FERMT2: variants seen among roughly 807,000 people sequenced by gnomAD.
FERMT2 encodes the protein fermitin family homolog 2.
In FERMT2, 15 loss-of-function variants were observed where a neutral mutation model predicts 82.7. That is an observed-to-expected ratio of 0.18 (90% CI 0.12 to 0.28). FERMT2 has a LOEUF of 0.28. Ranked by LOEUF, FERMT2 falls within the 10% of genes least tolerant of loss-of-function variation. The probability of loss-of-function intolerance (pLI) is 1.00; values close to 1 mark genes in which losing one functional copy is unlikely to be tolerated. For missense variants in FERMT2, 645 were observed against 809.4 expected, an observed-to-expected ratio of 0.80 and a Z score of 2.46; for synonymous variants, 274 against 271.5, an observed-to-expected ratio of 1.01 and a Z score of -0.09.
At chr14:52,860,096 C>T (rs568646705) in intron 13 of FERMT2, 99 of 392,294 alleles carry the variant, frequency 2.5e-4, no homozygotes, top group Middle Eastern at 7.0e-4. Flanking sequence ...CGATTACAGG[C>T]GTGAGCCACC....
intron 3 of FERMT2, among the ~76,000 whole-genome samples, chr14:52,912,557 C>A (rs969615247): frequency 6.7e-6 from 1 of 149,714 alleles, no homozygotes; most frequent in Non-Finnish European, 1.5e-5. Context: ...GTTGCCCAGG[C>A]TGGAAAGCAG....
chr14:52,861,111 CAAAG>C, intron 12 of FERMT2: 2 of 1,366,580 alleles, frequency 1.5e-6, no homozygotes, highest in South Asian at 3.0e-5. Context: ...GGCAACGAAG[CAAAG>C]AAAAAGTTGC....
At chr14:52,910,937 G>C (rs1045602592) in intron 3 of FERMT2, among the ~76,000 whole-genome samples, 1 of 151,898 alleles carries the variant, frequency 6.6e-6, no homozygotes, top group Non-Finnish European at 1.5e-5. Flanking sequence ...TTAATTAAGG[G>C]GAAATATTTA....
At chr14:52,947,573 TAAGCA>T (rs1156591239) in intron 2 of FERMT2, among the ~76,000 whole-genome samples, 2 of 152,228 alleles carry the variant, frequency 1.3e-5, no homozygotes, top group Non-Finnish European at 2.9e-5. Context: ...TTAATGGCCT[TAAGCA>T]AAGTGTACAC....
At chr14:52,904,346 G>A (rs957221705) in intron 3 of FERMT2, among the ~76,000 whole-genome samples, 60 of 152,306 alleles carry the variant, frequency 3.9e-4, no homozygotes, top group African/African-American at 1.4e-3. Flanking sequence ...GTGAAACCAC[G>A]CCTCCACTAA....
At chr14:52,897,045 CACA>C (rs1887319878) in intron 3 of FERMT2, among the ~76,000 whole-genome samples, 3 of 123,866 alleles carry the variant, frequency 2.4e-5, no homozygotes, top group Non-Finnish European at 5.3e-5. Flanking sequence ...CACACACACA[CACA>C]CCATGGTAGA....
Position 52,878,620 on chromosome 14 carries a change from A to C in FERMT2, c.925T>G (p.Cys309Gly). ...AACATCATCATTTCTTCTTCTGTGC[A>C]TTCAATCTCTTCCAGGAGAATGGCC... Reference protein sequence around the residue: ...KWAILLEEIECTEEEMMMFAA... With the variant: ...KWAILLEEIEGTEEEMMMFAA... Residue 309 changes from cysteine to glycine, a missense_variant, in exon 7 of 15, where the codon TGC becomes GGC. By Grantham distance (159) the Cys-to-Gly change is radical (BLOSUM62 -3). Coordinates refer to ENST00000341590, the MANE Select transcript of FERMT2 (RefSeq NM_006832.3). 6.2e-7 allele frequency: 1 copy of C among 1,611,296 alleles called. No homozygotes were observed. Among genetic ancestry groups the C allele is most frequent in the Non-Finnish European group, 8.5e-7 (1 of 1,178,634 alleles).
At chr14:52,875,201 TA>T (rs141261474) in intron 8 of FERMT2, 21 bp downstream of exon 8, 298 of 1,561,112 alleles carry the variant, frequency 1.9e-4, no homozygotes, top group Admixed American at 5.9e-4. Context: ...AATTAGTAGG[TA>T]AAAAAAAAGA....
chr14:52,896,966 G>A (rs1054047242), intron 3 of FERMT2, among the ~76,000 whole-genome samples: 5 of 150,512 alleles, frequency 3.3e-5, no homozygotes, highest in Admixed American at 1.3e-4. Flanking sequence ...TCCAGCCTGC[G>A]TGACAGAGCA....
intron 2 of FERMT2, among the ~76,000 whole-genome samples, chr14:52,923,825 G>C (rs1326498269): frequency 6.6e-6 from 1 of 152,072 alleles, no homozygotes; most frequent in Non-Finnish European, 1.5e-5. Flanking sequence ...AGCAGAAATA[G>C]GAGACCAGAA....
Position 52,858,494 on chromosome 14 carries a change from A to G in FERMT2, c.1926T>C (p.Asp642=), listed in dbSNP as rs188956047. The G allele has an allele frequency of 2.1e-5, 34 of 1,614,124 alleles. No homozygotes were observed. In the Admixed American group the frequency reaches 2.7e-4, roughly 13 times the overall value. The part of the protein sequence containing the change: ...VRLSFICTEV[D]CKVVHEFIGG... ...CAATGAATTCATGAACCACTTTGCA[A>G]TCTACTTCAGTACAAATGAAGGACA... Residue 642 remains aspartate, a synonymous_variant, in exon 15 of 15, where the codon GAT becomes GAC. Coordinates refer to ENST00000341590, the MANE Select transcript of FERMT2 (RefSeq NM_006832.3).
chr14:52,899,820 T>C (rs1887517479), intron 3 of FERMT2, among the ~76,000 whole-genome samples: 1 of 152,254 alleles, frequency 6.6e-6, no homozygotes, highest in Non-Finnish European at 1.5e-5. Flanking sequence ...ATTTACTGTA[T>C]GCCTTGTATC....
rs779563079 is a variant in FERMT2, at chr14:52,860,388, T to C, written c.1680A>G (p.Gln560=). Residue 560 remains glutamine (Q), a synonymous_variant, in exon 13 of 15, where the codon CAA becomes CAG. Transcript: ENST00000341590. ...CAAATTCAGGTAGTGACTGCCAAGC[T>C]TGAATAAATCTCATCTTGGCTTCAA... ...SLIEAKMRFI[Q]AWQSLPEFGI... 8.7e-6 allele frequency: 14 copies of C among 1,613,894 alleles called. No individual in the cohort carries two copies. The South Asian group carries it at 1.4e-4, about 16-fold the overall frequency.
In FERMT2 at chr14:52,895,171, CA is replaced by C. The variant is rs531543507; in HGVS notation, c.392-1745del. On this transcript the variant is annotated intron_variant, in intron 3 of 14. Coordinates refer to ENST00000341590, the MANE Select transcript of FERMT2 (RefSeq NM_006832.3). ...AAAACCACAATGAGATAGCAGTACC[CA>C]TACATCAAAGAGGCCAGCATTAAAA... Among the ~76,000 whole-genome samples, 19 of 152,256 alleles carry C rather than the reference CA, an allele frequency of 1.2e-4. No individual in the cohort carries two copies. In the South Asian group the frequency reaches 3.9e-3, roughly 32 times the overall value.
intron 3 of FERMT2, among the ~76,000 whole-genome samples, chr14:52,915,090 A>G (rs1888545290): frequency 6.6e-6 from 1 of 152,212 alleles, no homozygotes; most frequent in Non-Finnish European, 1.5e-5. Flanking sequence ...AAAAAGTATA[A>G]AGCCCCTGGA....
At chr14:52,865,703 A>G (rs1885230880) in intron 10 of FERMT2, among the ~76,000 whole-genome samples, 1 of 152,192 alleles carries the variant, frequency 6.6e-6, no homozygotes, top group South Asian at 2.1e-4. Flanking sequence ...AATTGTTAGT[A>G]GGGCTTGCTT....
chr14:52,875,564 G>A (rs527780947), intron 7 of FERMT2, among the ~76,000 whole-genome samples: 2 of 152,056 alleles, frequency 1.3e-5, no homozygotes, highest in Admixed American at 6.5e-5. Flanking sequence ...TAGGGTCTTT[G>A]GACACATACC....
At chr14:52,879,465 T>C (rs902917632) in intron 6 of FERMT2, among the ~76,000 whole-genome samples, 4 of 152,134 alleles carry the variant, frequency 2.6e-5, no homozygotes, top group Non-Finnish European at 5.9e-5. Flanking sequence ...TCAAAAGTCT[T>C]AGCTTTTGGA....
intron 4 of FERMT2, among the ~76,000 whole-genome samples, chr14:52,892,166 GTTTTTTTTTTTTT>G (rs10547747): frequency 7.8e-6 from 1 of 128,862 alleles, no homozygotes; most frequent in Non-Finnish European, 1.6e-5. Flanking sequence ...GCTGTTTTTT[GTTTTTTTTTTTTT>G]TTTTTTTTGA....
Sources: gnomAD v4.1 joint callset for allele counts (sites outside exome capture counted in the v4.1 genomes callset) on GRCh38, gnomAD v4.1.1 for gene constraint, MANE v1.5 for transcripts, NCBI Gene and HGNC (gene_info 2026-07-23, HGNC 2026-07-21) for gene names.